The following ERC2 variants were observed in gnomAD, a reference collection of about 807,000 sequenced individuals.
ERC2 encodes ELKS/RAB6-interacting/CAST family member 2, also known as ERC protein 2.
A neutral mutation model predicts 114.8 loss-of-function variants in ERC2; 42 were observed. The ratio of observed to expected loss-of-function variants is 0.37; its 90% CI spans 0.29 to 0.47. The LOEUF (loss-of-function observed/expected upper bound fraction) is 0.47. Among genes scored for constraint, ERC2 ranks in the 20% least tolerant of loss-of-function variants. ERC2 has a pLI of 0.99. For missense variants in ERC2, 939 were observed against 1,150.7 expected (o/e 0.82, Z 2.66); for synonymous variants, 454 against 425.5 (o/e 1.07, Z -0.82).
At chr3:56,112,068 T>C (rs1162127538) in intron 6 of ERC2, among the ~76,000 whole-genome samples, 8 of 152,206 alleles carry the variant, frequency 5.3e-5, no homozygotes. Context: ...AACATCTTTC[T>C]AGTATGCTGC....
Position 55,683,862 on chromosome 3 carries a change from G to GCGGC in ERC2, c.2848-7_2848-4dup. The GCGGC allele has an allele frequency of 6.2e-7, 1 of 1,611,584 alleles. No homozygotes were observed. Among genetic ancestry groups the GCGGC allele is most frequent in the Non-Finnish European group, 8.5e-7 (1 of 1,178,978 alleles). On this transcript the variant is annotated splice_region_variant and splice_polypyrimidine_tract_variant and intron_variant, in intron 16 of 17. Coordinates refer to ENST00000288221, the MANE Select transcript of ERC2 (RefSeq NM_015576.3). ...GCCCATATGCCCTCCTCGTCATCCT[G>GCGGC]CGGCCGGCCCGAGGTGGGGAGGTGC...
At chr3:56,292,249 G>A (rs957827884) in intron 3 of ERC2, among the ~76,000 whole-genome samples, 1 of 151,936 alleles carries the variant, frequency 6.6e-6, no homozygotes, top group African/African-American at 2.4e-5. Context: ...CCCACAAAAT[G>A]GCTGTTCTGC....
At position 55,729,861 on chromosome 3, in the gene ERC2, AAAAAT is replaced by A. The variant is rs1232140778; in HGVS notation, c.2712+4905_2712+4909del. On this transcript the variant is annotated intron_variant, in intron 15 of 17. Transcript: ENST00000288221. Reference sequence around the variant, plus strand: ...GCAAAAAAAAAAAAAAAAAAAAAAAAAAAATTGTAAGCTACACAAGGAAGCGGTCT... The same window carrying A: ...GCAAAAAAAAAAAAAAAAAAAAAAAATGTAAGCTACACAAGGAAGCGGTCT... Among the ~76,000 whole-genome samples, 60 of 145,694 alleles carry A rather than the reference AAAAAT, an allele frequency of 4.1e-4. 1 individual carries two copies. The highest frequency in any genetic ancestry group is 1.6e-3 in the African/African-American group (60 of 37,008).
chr3:55,803,326 C>G (rs189770654), intron 14 of ERC2, among the ~76,000 whole-genome samples: 42 of 152,226 alleles, frequency 2.8e-4, no homozygotes, highest in Non-Finnish European at 4.6e-4. Flanking sequence ...CATGGCCTCC[C>G]TACCTCACAC....
chr3:55,937,080 C>T (rs1383198605), intron 13 of ERC2, among the ~76,000 whole-genome samples: 2 of 152,178 alleles, frequency 1.3e-5, no homozygotes, highest in African/African-American at 4.8e-5. Flanking sequence ...GTGGCTCACG[C>T]CTGTAATTCC....
intron 1 of ERC2, 40 bp from the exon 2 acceptor site, chr3:56,435,187 T>C (rs934496564): frequency 2.6e-5 from 15 of 583,478 alleles, no homozygotes; most frequent in Admixed American, 1.6e-4. Context: ...ACAAATTTCT[T>C]TAGAACTCTA....
chr3:55,992,356 C>T (rs1297589264), intron 10 of ERC2, 106 bp from the exon 11 acceptor site: 4 of 1,035,564 alleles, frequency 3.9e-6, no homozygotes, highest in Non-Finnish European at 5.6e-6. Flanking sequence ...AAAATCACCA[C>T]CAAGATTTAT....
At chr3:56,359,260 T>C (rs1313000900) in intron 2 of ERC2, among the ~76,000 whole-genome samples, 2 of 152,240 alleles carry the variant, frequency 1.3e-5, no homozygotes, top group Non-Finnish European at 2.9e-5. Flanking sequence ...TTTTCCTTTC[T>C]CTACTTCTTG....
intron 3 of ERC2, among the ~76,000 whole-genome samples, chr3:56,222,294 C>T (rs530346149): frequency 6.6e-6 from 1 of 152,288 alleles, no homozygotes; most frequent in South Asian, 2.1e-4. Flanking sequence ...CAACATACAG[C>T]TTGAACCCAG....
At chr3:56,205,640 C>T (rs991509266) in intron 3 of ERC2, among the ~76,000 whole-genome samples, 29 of 152,076 alleles carry the variant, frequency 1.9e-4, no homozygotes, top group African/African-American at 6.3e-4. Flanking sequence ...GCATGGCCAC[C>T]GAAACTACCA....
intron 17 of ERC2, among the ~76,000 whole-genome samples, chr3:55,605,131 T>C (rs1309563662): frequency 6.6e-6 from 1 of 152,106 alleles, no homozygotes; most frequent in African/African-American, 2.4e-5. Context: ...TGGTTATTTG[T>C]TTTTGAGACG....
intron 14 of ERC2, among the ~76,000 whole-genome samples, chr3:55,875,311 G>T (rs1026836280): frequency 2.0e-5 from 3 of 152,174 alleles, no homozygotes; most frequent in Admixed American, 2.0e-4. Flanking sequence ...GACAGCAATT[G>T]AACTGTTATC....
At position 56,404,736 on chromosome 3, in the gene ERC2, A is replaced by G. The variant is rs185836771; in HGVS notation, c.657+29615T>C. On this transcript the variant is annotated intron_variant, in intron 2 of 17. Transcript: ENST00000288221. The stretch of plus-strand genomic sequence containing the variant: ...AATTTTTTTTAATTTAAAAAAAAAA[A>G]GATATGCAAGACAAGATCTCCTTTT... 1.7e-3 allele frequency among the ~76,000 whole-genome samples: 254 copies of G among 152,248 alleles called. 2 individuals carry two copies. Among genetic ancestry groups the G allele is most frequent in the African/African-American group, 5.4e-3 (226 of 41,552 alleles).
chr3:56,420,981 C>G (rs1197680059), intron 2 of ERC2, among the ~76,000 whole-genome samples: 1 of 151,982 alleles, frequency 6.6e-6, no homozygotes, highest in Admixed American at 6.6e-5. Flanking sequence ...CAAGGATGCA[C>G]TCTGATAGTA....
chr3:56,423,891 A>T (rs550958147), intron 2 of ERC2, among the ~76,000 whole-genome samples: 1 of 152,324 alleles, frequency 6.6e-6, no homozygotes, highest in East Asian at 1.9e-4. Context: ...GCGAGGCCAA[A>T]CCACTTATTG....
In ERC2 at chr3:56,335,841, T is replaced by C. The variant is rs564508361; in HGVS notation, c.658-39406A>G. Reference sequence around the variant, plus strand: ...TCACTCATCGGCTGAATGAAAAAAGTGTGAAGCTGTGTGCCAAGTGTGCGG... The same window carrying C: ...TCACTCATCGGCTGAATGAAAAAAGCGTGAAGCTGTGTGCCAAGTGTGCGG... On this transcript the variant is annotated intron_variant, in intron 2 of 17. Coordinates refer to ENST00000288221, the MANE Select transcript of ERC2 (RefSeq NM_015576.3). Among the ~76,000 whole-genome samples the C allele has an allele frequency of 7.9e-5, 12 of 152,040 alleles. No homozygotes were observed. In the South Asian group the frequency reaches 2.5e-3, roughly 32 times the overall value.
At chr3:56,047,471 A>G (rs1036951618) in intron 7 of ERC2, among the ~76,000 whole-genome samples, 7 of 152,246 alleles carry the variant, frequency 4.6e-5, no homozygotes, top group African/African-American at 1.7e-4. Flanking sequence ...GAAAAAGGCC[A>G]GAGTTCATAA....
chr3:55,883,965 A>G (rs1295839929), intron 14 of ERC2, among the ~76,000 whole-genome samples: 1 of 152,152 alleles, frequency 6.6e-6, no homozygotes, highest in African/African-American at 2.4e-5. Context: ...ATGTTAATAG[A>G]TATGTAAAAC....
intron 14 of ERC2, among the ~76,000 whole-genome samples, chr3:55,776,366 A>T (rs1487570593): frequency 6.6e-6 from 1 of 152,092 alleles, no homozygotes; most frequent in African/African-American, 2.4e-5. Context: ...TGAGGATTTA[A>T]ATACTTAGGT....
Sources: allele counts gnomAD v4.1 joint callset (sites outside exome capture counted in the v4.1 genomes callset), GRCh38; gene constraint gnomAD v4.1.1; transcripts MANE v1.5; gene names NCBI Gene and HGNC (gene_info 2026-07-23, HGNC 2026-07-21).